Variants in GABRB1 observed in about 807,000 individuals in gnomAD.
GABRB1 encodes the protein gamma-aminobutyric acid type A receptor subunit beta1, also known as gamma-aminobutyric acid receptor subunit beta-1.
A neutral mutation model predicts 51.6 loss-of-function variants in GABRB1; 17 were observed. The ratio of observed to expected loss-of-function variants is 0.33; its 90% CI spans 0.23 to 0.49. The LOEUF (loss-of-function observed/expected upper bound fraction) is 0.49. GABRB1 is among the 20% of genes least tolerant of loss of function. The probability of loss-of-function intolerance (pLI) is 0.99; values close to 1 mark genes in which losing one functional copy is unlikely to be tolerated. For missense variants in GABRB1, 410 were observed against 600.6 expected, an observed-to-expected ratio of 0.68 and a Z score of 3.32; for synonymous variants, 247 against 218.9, an observed-to-expected ratio of 1.13 and a Z score of -1.14.
At chr4:47,295,597 A>G (rs948361416) in intron 4 of GABRB1, among the ~76,000 whole-genome samples, 1 of 152,240 alleles carries the variant, frequency 6.6e-6, no homozygotes, top group Non-Finnish European at 1.5e-5. Flanking sequence ...TCCAAGAAAT[A>G]TGGGACTATG....
chr4:47,198,435 G>A (rs1719776507), intron 4 of GABRB1, among the ~76,000 whole-genome samples: 1 of 152,168 alleles, frequency 6.6e-6, no homozygotes, highest in African/African-American at 2.4e-5. Flanking sequence ...GAACTGTTGG[G>A]AGAAATACAG....
At chr4:47,387,450 CCA>C (rs1169294677) in intron 5 of GABRB1, among the ~76,000 whole-genome samples, 1 of 152,098 alleles carries the variant, frequency 6.6e-6, no homozygotes, top group Non-Finnish European at 1.5e-5. Context: ...CCAGCCTGGG[CCA>C]CAGAGTGAGA....
chr4:47,140,136 AC>A (rs1716866041), intron 3 of GABRB1, among the ~76,000 whole-genome samples: 1 of 139,858 alleles, frequency 7.2e-6, no homozygotes, highest in Non-Finnish European at 1.6e-5. Flanking sequence ...ACACACACAC[AC>A]ACACAAGATT....
intron 4 of GABRB1, among the ~76,000 whole-genome samples, chr4:47,277,077 C>A (rs1238023233): frequency 4.6e-5 from 7 of 152,038 alleles, no homozygotes; most frequent in Non-Finnish European, 8.8e-5. Flanking sequence ...TTTAACATTT[C>A]TTTCCATAAT....
At chr4:47,014,295 T>C (rs1046267634) in intron 1 of GABRB1, among the ~76,000 whole-genome samples, 4 of 152,218 alleles carry the variant, frequency 2.6e-5, no homozygotes, top group Admixed American at 2.6e-4. Context: ...CTTTGCTTTC[T>C]ACAAACACTT....
intron 4 of GABRB1, among the ~76,000 whole-genome samples, chr4:47,235,851 T>G (rs1046284917): frequency 6.6e-6 from 1 of 152,134 alleles, no homozygotes; most frequent in Non-Finnish European, 1.5e-5. Flanking sequence ...CAATTGCAAT[T>G]TATTAAATTC....
At chr4:47,276,126 T>C (rs766151663) in intron 4 of GABRB1, among the ~76,000 whole-genome samples, 33 of 152,166 alleles carry the variant, frequency 2.2e-4, no homozygotes, top group Non-Finnish European at 4.6e-4. Context: ...CATCAAAATG[T>C]ATCACATGGA....
intron 4 of GABRB1, among the ~76,000 whole-genome samples, chr4:47,254,361 GT>G (rs56838956): frequency 0.093 from 7,516 of 80,984 alleles, 2,100 homozygotes; most frequent in African/African-American, 0.12. Flanking sequence ...TCTTTTCTTT[GT>G]TTTTTTTTTT....
intron 5 of GABRB1, among the ~76,000 whole-genome samples, chr4:47,353,484 T>A (rs1726439511): frequency 6.6e-6 from 1 of 152,196 alleles, no homozygotes; most frequent in Non-Finnish European, 1.5e-5. Context: ...TATAAATGCC[T>A]TGAGTTGGTC....
chr4:47,212,334 C>G (rs537017779), intron 4 of GABRB1, among the ~76,000 whole-genome samples: 3 of 152,062 alleles, frequency 2.0e-5, no homozygotes, highest in African/African-American at 7.2e-5. Context: ...TTCCAGGTGC[C>G]GAGCAAGGGA....
intron 4 of GABRB1, among the ~76,000 whole-genome samples, chr4:47,245,345 G>A (rs1202468398): frequency 6.6e-6 from 1 of 152,114 alleles, no homozygotes; most frequent in African/African-American, 2.4e-5. Flanking sequence ...TAACAGTTTT[G>A]CTTTGTAAAT....
At chr4:47,210,262 T>G (rs1237321389) in intron 4 of GABRB1, among the ~76,000 whole-genome samples, 2 of 152,160 alleles carry the variant, frequency 1.3e-5, no homozygotes, top group Admixed American at 6.6e-5. Context: ...ATAGAAAATA[T>G]GTATAAGTTT....
At chr4:47,276,209 G>A (rs564236375) in intron 4 of GABRB1, among the ~76,000 whole-genome samples, 6 of 152,148 alleles carry the variant, frequency 3.9e-5, no homozygotes, top group African/African-American at 1.4e-4. Context: ...GCTAGCTAAC[G>A]TAACCTCTGC....
intron 3 of GABRB1, among the ~76,000 whole-genome samples, chr4:47,145,021 T>C (rs1717096800): frequency 6.6e-6 from 1 of 151,602 alleles, no homozygotes; most frequent in African/African-American, 2.4e-5. Context: ...TAAACTTGAC[T>C]CCCCTTGGGA....
chr4:47,001,643 T>C (rs1169618607), intron 1 of GABRB1, among the ~76,000 whole-genome samples: 1 of 152,130 alleles, frequency 6.6e-6, no homozygotes, highest in African/African-American at 2.4e-5. Flanking sequence ...TCTGCAACAT[T>C]AGATATTCCC....
intron 4 of GABRB1, among the ~76,000 whole-genome samples, chr4:47,220,361 T>G (rs1720721816): frequency 6.6e-6 from 1 of 152,004 alleles, no homozygotes; most frequent in Non-Finnish European, 1.5e-5. Context: ...TTCTCCTGCT[T>G]CCTTCTCCCT....
chr4:47,334,849 G>T (rs1009604119), intron 5 of GABRB1, among the ~76,000 whole-genome samples: 3 of 152,106 alleles, frequency 2.0e-5, no homozygotes, highest in Non-Finnish European at 4.4e-5. Flanking sequence ...ATAATTGTGG[G>T]CGTTTCTCAT....
At chr4:47,070,699 C>T (rs2109544740) in intron 3 of GABRB1, among the ~76,000 whole-genome samples, 1 of 152,266 alleles carries the variant, frequency 6.6e-6, no homozygotes, top group East Asian at 1.9e-4. Context: ...AGGTTTCTCC[C>T]TTGTCAGCCA....
chr4:47,074,820 A>C (rs1393755109), intron 3 of GABRB1, among the ~76,000 whole-genome samples: 3 of 152,248 alleles, frequency 2.0e-5, no homozygotes, highest in African/African-American at 4.8e-5. Context: ...TGTTCATTGA[A>C]TTTGAAACCA....
Sources: allele counts gnomAD v4.1 joint callset (sites outside exome capture counted in the v4.1 genomes callset), GRCh38; gene constraint gnomAD v4.1.1; transcripts MANE v1.5; gene names NCBI Gene and HGNC (gene_info 2026-07-23, HGNC 2026-07-21).